Variants in PTPRN2 observed in about 807,000 individuals in gnomAD.
PTPRN2 encodes the protein protein tyrosine phosphatase receptor type N2.
Under a neutral mutation model 118.8 loss-of-function variants are expected in PTPRN2, and 74 were observed. The ratio of observed to expected loss-of-function variants is 0.62; its 90% CI spans 0.52 to 0.76. The LOEUF (loss-of-function observed/expected upper bound fraction) is 0.76, where lower values mean the gene tolerates loss of function less well. Ranked by LOEUF, PTPRN2 falls within the 30% of genes least tolerant of loss-of-function variation. The pLI is 0.00. For missense variants in PTPRN2, 1,481 were observed against 1,394.4 expected (o/e 1.06, Z -0.99); for synonymous variants, 641 against 608.0 (o/e 1.05, Z -0.80).
chr7:157,640,476 T>C (rs1030677318), intron 14 of PTPRN2, among the ~76,000 whole-genome samples: 3 of 152,328 alleles, frequency 2.0e-5, no homozygotes, highest in Admixed American at 2.0e-4. Flanking sequence ...GAGAGTCAAA[T>C]GTAAATTATA....
chr7:157,716,784 CCA>C (rs1302233032), intron 12 of PTPRN2, among the ~76,000 whole-genome samples: 10 of 54,042 alleles, frequency 1.9e-4, no homozygotes, highest in Non-Finnish European at 2.8e-4. Context: ...CACTGCCTGG[CCA>C]CGTAGACTCT....
chr7:157,753,387 G>A (rs897379030), intron 12 of PTPRN2, among the ~76,000 whole-genome samples: 1 of 152,138 alleles, frequency 6.6e-6, no homozygotes, highest in Non-Finnish European at 1.5e-5. Flanking sequence ...TTTGGTGCAA[G>A]CTTTTCCCTT....
At chr7:157,652,552 C>G (rs1805732010) in intron 14 of PTPRN2, among the ~76,000 whole-genome samples, 1 of 152,208 alleles carries the variant, frequency 6.6e-6, no homozygotes, top group South Asian at 2.1e-4. Flanking sequence ...GCCCCAATGA[C>G]CTGCCCACCC....
chr7:157,982,562 C>T (rs1480829936), intron 11 of PTPRN2, among the ~76,000 whole-genome samples: 1 of 136,216 alleles, frequency 7.3e-6, no homozygotes, highest in Non-Finnish European at 1.6e-5. Flanking sequence ...CAGGGTCCCC[C>T]CAAACCCTGA....
In PTPRN2 at chr7:157,598,550, G is replaced by A. The variant is rs952062307; in HGVS notation, c.2419-3235C>T. Among the ~76,000 whole-genome samples the A allele has an allele frequency of 2.0e-5, 3 of 152,192 alleles. No individual in the cohort carries two copies. The highest frequency in any genetic ancestry group is 1.3e-4 in the Admixed American group (2 of 15,278). On this transcript the variant is annotated intron_variant, in intron 16 of 22. Transcript: ENST00000389418. This position sits in a 1 kb window ranked among gnomAD's most constrained non-coding sequence, Gnocchi z 5.2. ...TGTATGGTGGGTGAGCTCAGGGAGT[G>A]AGGAGCTTGGATGATGCGGTTTCTA...
rs113732850 is a variant in PTPRN2 at position 158,109,446 on chromosome 7, C to T, written c.1643+1383G>A. 3.1e-3 allele frequency among the ~76,000 whole-genome samples: 470 copies of T among 151,596 alleles called. 5 individuals carry two copies. Among genetic ancestry groups the T allele is most frequent in the African/African-American group, 0.011 (449 of 41,168 alleles). On this transcript the variant is annotated intron_variant, in intron 10 of 22. Transcript: ENST00000389418. ...AGACTCTGTGAGTGAATGATGTCAC[C>T]CCATATGTGAAAGAGACAGTGAGTG...
chr7:157,803,585 T>G (rs1805451521), intron 12 of PTPRN2, among the ~76,000 whole-genome samples: 1 of 152,240 alleles, frequency 6.6e-6, no homozygotes, highest in Non-Finnish European at 1.5e-5. Flanking sequence ...TCTCAGTCTT[T>G]AGCCCATGTT....
chr7:158,449,884 C>T (rs761537630), intron 2 of PTPRN2, among the ~76,000 whole-genome samples: 1 of 152,222 alleles, frequency 6.6e-6, no homozygotes, highest in Non-Finnish European at 1.5e-5. Context: ...AAAGGCAAAG[C>T]TACAACACAA....
rs1363615609 is a variant in PTPRN2, at chr7:158,544,778, G to C, written c.112+42780C>G. Among the ~76,000 whole-genome samples the C allele has an allele frequency of 6.6e-6, 1 of 152,188 alleles. No individual in the cohort carries two copies. Among genetic ancestry groups the C allele is most frequent in the Non-Finnish European group, 1.5e-5 (1 of 68,016 alleles). On this transcript the variant is annotated intron_variant, in intron 1 of 22. Transcript: ENST00000389418. The surrounding 1 kb of genome is among the most constrained non-coding windows in gnomAD (Gnocchi z 4.2). ...GGATACCAAAAGATTGGGTGCCCCT[G>C]CTCTAGAGTGAACACAGAAGCACTG...
At chr7:157,998,633 G>A (rs1804971094) in intron 11 of PTPRN2, among the ~76,000 whole-genome samples, 1 of 152,100 alleles carries the variant, frequency 6.6e-6, no homozygotes, top group African/African-American at 2.4e-5. Context: ...GACCATCCTG[G>A]CCAACATGGT....
In PTPRN2 at chr7:157,591,118, C is replaced by T. The variant is rs1204970384; in HGVS notation, c.2496+4120G>A. On this transcript the variant is annotated intron_variant, in intron 17 of 22. Coordinates refer to ENST00000389418, the MANE Select transcript of PTPRN2 (RefSeq NM_002847.5). The surrounding 1 kb of genome is among the most constrained non-coding windows in gnomAD (Gnocchi z 4.4). ...CTTAGAAGAGGAGGGAAATTTGGACCCTGACATAAATCCACGGTGGGGAAA... is the reference window on the plus strand; with the variant it reads ...CTTAGAAGAGGAGGGAAATTTGGACTCTGACATAAATCCACGGTGGGGAAA... 6.6e-6 allele frequency among the ~76,000 whole-genome samples: 1 copy of T among 151,974 alleles called. No homozygotes were observed. Among genetic ancestry groups the T allele is most frequent in the African/African-American group, 2.4e-5 (1 of 41,362 alleles).
Position 158,185,917 on chromosome 7 carries a change from G to A in PTPRN2, c.549+6410C>T, listed in dbSNP as rs977261263. Among the ~76,000 whole-genome samples the A allele has an allele frequency of 2.6e-5, 4 of 152,154 alleles. No individual in the cohort carries two copies. In the South Asian group the frequency reaches 8.3e-4, roughly 32 times the overall value. ...TCTGCACCCTTAGAAAGATTCAACAGATCTTTTTCCACCATGCTCCCTTGT... is the reference window on the plus strand; with the variant it reads ...TCTGCACCCTTAGAAAGATTCAACAAATCTTTTTCCACCATGCTCCCTTGT... On this transcript the variant is annotated intron_variant, in intron 5 of 22. Coordinates refer to ENST00000389418, the MANE Select transcript of PTPRN2 (RefSeq NM_002847.5).
rs529022342 is a variant in PTPRN2, at chr7:157,657,315, C to T, written c.2002-764G>A. Among the ~76,000 whole-genome samples the T allele has an allele frequency of 7.9e-4, 108 of 136,682 alleles. 6 individuals are homozygous for T. Among genetic ancestry groups the T allele is most frequent in the African/African-American group, 2.9e-3 (102 of 35,148 alleles). The allele number at this position is 136,682 out of a possible 152,430, so 89.7% of individuals were successfully genotyped here. ...ATCACACATATACACACACACACCA[C>T]ACACATCACACATATACACACACAT... On this transcript the variant is annotated intron_variant, in intron 13 of 22. Coordinates refer to ENST00000389418, the MANE Select transcript of PTPRN2 (RefSeq NM_002847.5).
chr7:158,468,214 T>C (rs1819529342), intron 2 of PTPRN2, among the ~76,000 whole-genome samples: 1 of 152,244 alleles, frequency 6.6e-6, no homozygotes, highest in African/African-American at 2.4e-5. Flanking sequence ...AATTAGTCAT[T>C]TGCATTGATT....
chr7:157,705,077 G>C (rs560239730), intron 12 of PTPRN2, among the ~76,000 whole-genome samples: 1 of 152,278 alleles, frequency 6.6e-6, no homozygotes, highest in Non-Finnish European at 1.5e-5. Context: ...GAGGCCCAGG[G>C]GGCGGATCAC....
At chr7:157,993,039 C>G in intron 11 of PTPRN2, among the ~76,000 whole-genome samples, 1 of 152,174 alleles carries the variant, frequency 6.6e-6, no homozygotes, top group African/African-American at 2.4e-5. Context: ...CGGGGTCTGC[C>G]CAGGTCACAG....
rs1442463528 is a variant in PTPRN2 at position 157,615,450 on chromosome 7, C to T, written c.2344+5912G>A. ...TCGAGGATGAAAAGGAGGTGTTTAGCCCCGAGCCTCACGTGGAAACATCTG... is the reference window on the plus strand; with the variant it reads ...TCGAGGATGAAAAGGAGGTGTTTAGTCCCGAGCCTCACGTGGAAACATCTG... On this transcript the variant is annotated intron_variant, in intron 15 of 22. Transcript: ENST00000389418. This position sits in a 1 kb window ranked among gnomAD's most constrained non-coding sequence, Gnocchi z 4.3. The T allele has an allele frequency of 4.2e-6, 2 of 471,098 alleles. No homozygotes were observed. Among genetic ancestry groups the T allele is most frequent in the Admixed American group, 4.7e-5 (2 of 42,570 alleles). The allele number at this position is 471,098 out of a possible 1,614,324, so 29.2% of individuals were successfully genotyped here.
At position 158,526,616 on chromosome 7, in the gene PTPRN2, A is replaced by G. The variant is rs1018814831; in HGVS notation, c.113-36831T>C. 1.3e-5 allele frequency among the ~76,000 whole-genome samples: 2 copies of G among 152,156 alleles called. No homozygotes were observed. The highest frequency in any genetic ancestry group is 4.8e-5 in the African/African-American group (2 of 41,434). ...AAGTCCTGACCCCCAGGACCTCAGA[A>G]TGGGACTGTATTTGGAGATGGGTCT... On this transcript the variant is annotated intron_variant, in intron 1 of 22. Coordinates refer to ENST00000389418, the MANE Select transcript of PTPRN2 (RefSeq NM_002847.5). This position sits in a 1 kb window ranked among gnomAD's most constrained non-coding sequence, Gnocchi z 5.2.
rs530877706 is a variant in PTPRN2 at position 158,271,736 on chromosome 7, A to G, written c.277+45083T>C. On this transcript the variant is annotated intron_variant, in intron 3 of 22. Transcript: ENST00000389418. ...GATACCCACAGATTCGGTGTCGGTG[A>G]GCGCCCACTTTTTGGTTGGGCCTTC... Among the ~76,000 whole-genome samples the G allele has an allele frequency of 9.5e-4, 145 of 152,188 alleles. 1 individual carries two copies. Among genetic ancestry groups the G allele is most frequent in the African/African-American group, 3.2e-3 (131 of 41,530 alleles).
Sources: allele counts gnomAD v4.1 joint callset (sites outside exome capture counted in the v4.1 genomes callset), GRCh38; gene constraint gnomAD v4.1.1; non-coding constraint Gnocchi (gnomAD v3.1); transcripts MANE v1.5; gene names NCBI Gene and HGNC (gene_info 2026-07-23, HGNC 2026-07-21).